The following ZKSCAN5 variants were observed in gnomAD, a reference collection of about 807,000 sequenced individuals.
ZKSCAN5 encodes the protein zinc finger with KRAB and SCAN domains 5, also known as zinc finger protein with KRAB and SCAN domains 5.
ZKSCAN5 carries 28 observed loss-of-function variants against 60.0 expected under a neutral mutation model. That is an observed-to-expected ratio of 0.47 (90% confidence interval 0.35 to 0.64). ZKSCAN5 has a LOEUF of 0.64. Among genes scored for constraint, ZKSCAN5 ranks in the 30% least tolerant of loss-of-function variants. The probability of loss-of-function intolerance (pLI) is 0.01; values close to 1 mark genes in which losing one functional copy is unlikely to be tolerated. For synonymous variants in ZKSCAN5, 361 were observed against 371.2 expected (o/e 0.97, Z 0.31); for missense variants, 881 against 1,034.6 (o/e 0.85, Z 2.04).
intron 6 of ZKSCAN5, among the ~76,000 whole-genome samples, chr7:99,527,177 A>G (rs1269229799): frequency 1.3e-5 from 2 of 152,168 alleles, no homozygotes; most frequent in African/African-American, 4.8e-5. Context: ...AAAAAAATTT[A>G]AAAATTACCT....
Position 99,531,351 on chromosome 7 carries a change from A to T in ZKSCAN5, c.1622A>T (p.Lys541Ile). 1 of 1,614,176 alleles carries T rather than the reference A, an allele frequency of 6.2e-7. No homozygotes were observed. The highest frequency in any genetic ancestry group is 8.5e-7 in the Non-Finnish European group (1 of 1,180,034). The change falls in exon 7 of 7, where the codon AAA becomes ATA. Residue 541 changes from lysine to isoleucine, a missense_variant. By Grantham distance (102) the Lys-to-Ile change is moderately radical. Around this residue, in one of 5 missense-constraint regions of ZKSCAN5, gnomAD observed 490 missense variants for 554.5 expected, o/e 0.88. Transcript: ENST00000326775. ...AGTGAAGTCCCATATGTCCACAAAAAATCCTCCACTGGAGAGAGACCACAT... is the reference window on the plus strand; with the variant it reads ...AGTGAAGTCCCATATGTCCACAAAATATCCTCCACTGGAGAGAGACCACAT... ...NYSEVPYVHKKSSTGERPHKC... is the reference protein window; with the variant it reads ...NYSEVPYVHKISSTGERPHKC...
intron 6 of ZKSCAN5, among the ~76,000 whole-genome samples, chr7:99,528,006 G>A (rs1801870186): frequency 6.6e-6 from 1 of 151,534 alleles, no homozygotes; most frequent in African/African-American, 2.4e-5. Flanking sequence ...TTAAACATCT[G>A]TTCAAATGAC....
At chr7:99,509,785 A>T (rs1800936206) in intron 2 of ZKSCAN5, among the ~76,000 whole-genome samples, 1 of 150,992 alleles carries the variant, frequency 6.6e-6, no homozygotes, top group African/African-American at 2.4e-5. Context: ...ATTTTTAAAG[A>T]TTATTTGTAT....
intron 3 of ZKSCAN5, among the ~76,000 whole-genome samples, chr7:99,514,442 A>G (rs1157743751): frequency 6.6e-6 from 1 of 152,210 alleles, no homozygotes. Flanking sequence ...TGGAATTCTC[A>G]ACCGTGTTCA....
intron 3 of ZKSCAN5, among the ~76,000 whole-genome samples, chr7:99,514,843 G>GCA (rs1801193266): frequency 6.6e-6 from 1 of 151,810 alleles, no homozygotes; most frequent in Non-Finnish European, 1.5e-5. Flanking sequence ...CCCGGGAGTT[G>GCA]GAGGTTGCAG....
At chr7:99,523,177 A>T (rs1801618997) in intron 5 of ZKSCAN5, among the ~76,000 whole-genome samples, 1 of 151,070 alleles carries the variant, frequency 6.6e-6, no homozygotes, top group African/African-American at 2.4e-5. Flanking sequence ...AAAAAAAAAA[A>T]AAAAAAAAAA....
intron 3 of ZKSCAN5, among the ~76,000 whole-genome samples, chr7:99,516,251 G>GTCCTCTGTTTCTAGCTGCTTCTCA (rs1244780266): frequency 6.6e-6 from 1 of 152,128 alleles, no homozygotes; most frequent in African/African-American, 2.4e-5. Context: ...TCTGGCTCTT[G>GTCCTCTGTTTCTAGCTGCTTCTCA]TCCTCTGTTT....
At chr7:99,512,105 C>G (rs1188510590) in intron 2 of ZKSCAN5, among the ~76,000 whole-genome samples, 1 of 152,124 alleles carries the variant, frequency 6.6e-6, no homozygotes, top group Non-Finnish European at 1.5e-5. Context: ...CCTTCTCAAC[C>G]TTTAAGTGTT....
At chr7:99,513,723 A>G (rs1426749856) in intron 3 of ZKSCAN5, 2 of 352,836 alleles carry the variant, frequency 5.7e-6, no homozygotes, top group African/African-American at 2.2e-5. Flanking sequence ...CTTAATGCTT[A>G]TGTTAAAAAA....
rs79476157 is a variant in ZKSCAN5 at position 99,527,660 on chromosome 7, A to T, written c.1378+1242A>T. ...TTCTCTTTTGTCCCGATAACTGTTT[A>T]TGCCTGTGACTTTTTCTTTTTTTCT... is the stretch of plus-strand genomic sequence containing the variant. On this transcript the variant is annotated intron_variant, in intron 6 of 6. Coordinates refer to ENST00000326775, the MANE Select transcript of ZKSCAN5 (RefSeq NM_145102.4). Among the ~76,000 whole-genome samples, 716 of 152,026 alleles carry T rather than the reference A, an allele frequency of 4.7e-3. 7 individuals are homozygous for T. Among genetic ancestry groups the T allele is most frequent in the African/African-American group, 0.016 (660 of 41,464 alleles).
chr7:99,510,247 T>TC (rs1256207855), intron 2 of ZKSCAN5, among the ~76,000 whole-genome samples: 1 of 151,910 alleles, frequency 6.6e-6, no homozygotes, highest in East Asian at 1.9e-4. Flanking sequence ...TTTTAAATTT[T>TC]TTTTTTTTTT....
In ZKSCAN5 at chr7:99,525,292, T is replaced by C. The variant is rs193217192; in HGVS notation, c.773-521T>C. On this transcript the variant is annotated intron_variant, in intron 5 of 6. Transcript: ENST00000326775. Reference sequence around the variant, plus strand: ...TTTGAAACCAGCATGGGCAACATAATGAGACCCTCATCTCTACAAAAATAT... The same window carrying C: ...TTTGAAACCAGCATGGGCAACATAACGAGACCCTCATCTCTACAAAAATAT... Among the ~76,000 whole-genome samples the C allele has an allele frequency of 1.2e-3, 183 of 152,018 alleles. 1 individual carries two copies. Among genetic ancestry groups the C allele is most frequent in the Admixed American group, 3.9e-3 (60 of 15,248 alleles).
rs1369606104 is a variant in ZKSCAN5, at chr7:99,519,834, T to A, written c.561T>A (p.Pro187=). The A allele has an allele frequency of 6.2e-7, 1 of 1,613,920 alleles. No individual in the cohort carries two copies. The highest frequency in any genetic ancestry group is 8.5e-7 in the Non-Finnish European group (1 of 1,180,032). ...CTTTTTCTCCTCCCTTAGCCCTTCCTGTTCTCCAAGTTCCTTCCCTTCCCC... is the reference window on the plus strand; with the variant it reads ...CTTTTTCTCCTCCCTTAGCCCTTCCAGTTCTCCAAGTTCCTTCCCTTCCCC... ...KPRLLEENAL[P]VLQVPSLPLK... Residue 187 remains proline (P), a synonymous_variant, in exon 4 of 7, where the codon CCT becomes CCA. Transcript: ENST00000326775.
chr7:99,512,133 C>T (rs190455512), intron 2 of ZKSCAN5, among the ~76,000 whole-genome samples: 86 of 152,280 alleles, frequency 5.6e-4, no homozygotes, highest in Non-Finnish European at 1.5e-4. Flanking sequence ...GGGACACTTC[C>T]TCCAGAAAGC....
At chr7:99,508,565 A>G (rs563382616) in intron 2 of ZKSCAN5, among the ~76,000 whole-genome samples, 14 of 151,970 alleles carry the variant, frequency 9.2e-5, no homozygotes, top group African/African-American at 2.7e-4. Flanking sequence ...CCGGGCCAAC[A>G]TGGTGAAACC....
At chr7:99,520,721 C>T (rs1406438470) in intron 5 of ZKSCAN5, among the ~76,000 whole-genome samples, 1 of 152,010 alleles carries the variant, frequency 6.6e-6, no homozygotes, top group Non-Finnish European at 1.5e-5. Context: ...ATAATTTTGC[C>T]AGGTGTGGTA....
At position 99,531,808 on chromosome 7, in the gene ZKSCAN5, C is replaced by T. The variant is rs1802058959; in HGVS notation, c.2079C>T (p.Ile693=). Residue 693 remains isoleucine (I), a synonymous_variant, in exon 7 of 7, where the codon ATC becomes ATT. Transcript: ENST00000326775. The part of the protein sequence containing the change: ...HMGQKNEKNG[I]CEEAYSWNLT... The stretch of plus-strand genomic sequence containing the variant: ...GTCAGAAAAATGAAAAAAATGGCAT[C>T]TGTGAGGAAGCATATAGTTGGAACT... 1.9e-6 allele frequency: 3 copies of T among 1,614,138 alleles called. No individual in the cohort carries two copies. The highest frequency in any genetic ancestry group is 2.5e-6 in the Non-Finnish European group (3 of 1,180,038).
intron 3 of ZKSCAN5, among the ~76,000 whole-genome samples, chr7:99,518,693 T>C (rs1801378734): frequency 7.1e-6 from 1 of 141,236 alleles, no homozygotes; most frequent in Non-Finnish European, 1.5e-5. Context: ...TTTTTTTTTT[T>C]GAGAGGGAGT....
intron 5 of ZKSCAN5, 145 bp downstream of exon 5, chr7:99,520,449 C>A: frequency 1.1e-6 from 1 of 928,768 alleles, no homozygotes; most frequent in Non-Finnish European, 1.5e-6. Flanking sequence ...AATAAATCAG[C>A]CTTCATTTTT....
Sources: gnomAD v4.1 joint callset for allele counts (sites outside exome capture counted in the v4.1 genomes callset) on GRCh38, gnomAD v4.1.1 for gene constraint, gnomAD v4.1.1 regional missense constraint, MANE v1.5 for transcripts, NCBI Gene and HGNC (gene_info 2026-07-23, HGNC 2026-07-21) for gene names.